Variants in KCND2 observed in about 807,000 individuals in gnomAD.
The protein encoded by KCND2 is potassium voltage-gated channel subfamily D member 2.
In KCND2, 16 loss-of-function variants were observed where a neutral mutation model predicts 54.4. That is an observed-to-expected ratio of 0.29 (90% confidence interval 0.20 to 0.45). KCND2 has a LOEUF of 0.45. Among genes scored for constraint, KCND2 ranks in the 20% least tolerant of loss-of-function variants. The pLI is 1.00. For synonymous variants in KCND2, 317 were observed against 310.7 expected, an observed-to-expected ratio of 1.02 and a Z score of -0.21; for missense variants, 486 against 824.2, an observed-to-expected ratio of 0.59 and a Z score of 5.02.
At chr7:120,292,418 G>A (rs1227680540) in intron 1 of KCND2, among the ~76,000 whole-genome samples, 1 of 151,858 alleles carries the variant, frequency 6.6e-6, no homozygotes, top group African/African-American at 2.4e-5. Context: ...TTAGTGACAT[G>A]TTTCACAGAT....
intron 1 of KCND2, among the ~76,000 whole-genome samples, chr7:120,725,300 G>T (rs1350206641): frequency 6.6e-6 from 1 of 151,886 alleles, no homozygotes; most frequent in Non-Finnish European, 1.5e-5. Flanking sequence ...CCTAATTAAG[G>T]GTTTCTTATT....
At chr7:120,495,276 C>T (rs1379429797) in intron 1 of KCND2, among the ~76,000 whole-genome samples, 3 of 151,960 alleles carry the variant, frequency 2.0e-5, no homozygotes, top group Non-Finnish European at 4.4e-5. Context: ...TGAGATCAAA[C>T]ATTTCCTTTT....
chr7:120,538,749 A>G (rs1157224904), intron 1 of KCND2, among the ~76,000 whole-genome samples: 2 of 152,108 alleles, frequency 1.3e-5, no homozygotes, highest in African/African-American at 4.8e-5. Flanking sequence ...AGACCAGCCA[A>G]ACCCCATGGG....
At chr7:120,568,774 T>C (rs553595397) in intron 1 of KCND2, among the ~76,000 whole-genome samples, 14 of 152,146 alleles carry the variant, frequency 9.2e-5, no homozygotes, top group Non-Finnish European at 1.6e-4. Context: ...TAGGGTTGCT[T>C]TGAGGATAAA....
chr7:120,417,730 G>C (rs1204519405), intron 1 of KCND2, among the ~76,000 whole-genome samples: 1 of 152,170 alleles, frequency 6.6e-6, no homozygotes, highest in East Asian at 1.9e-4. Flanking sequence ...GCTCAGCTAA[G>C]AATACATCAT....
intron 1 of KCND2, among the ~76,000 whole-genome samples, chr7:120,432,944 C>G (rs1801815558): frequency 6.6e-6 from 1 of 152,138 alleles, no homozygotes; most frequent in Admixed American, 6.5e-5. Context: ...CCATCAATTG[C>G]AAGGCCAAAT....
chr7:120,582,886 C>T (rs1050741623), intron 1 of KCND2, among the ~76,000 whole-genome samples: 1 of 151,820 alleles, frequency 6.6e-6, no homozygotes, highest in African/African-American at 2.4e-5. Context: ...GAAGGACTTT[C>T]TGTAGTTTCT....
chr7:120,724,604 C>G (rs112341484), intron 1 of KCND2, among the ~76,000 whole-genome samples: 2 of 152,094 alleles, frequency 1.3e-5, no homozygotes, highest in African/African-American at 2.4e-5. Flanking sequence ...GAGCTTGGCT[C>G]TTTCCTGCAG....
chr7:120,745,115 C>T (rs1584904666), intron 4 of KCND2, among the ~76,000 whole-genome samples: 2 of 152,154 alleles, frequency 1.3e-5, no homozygotes, highest in Admixed American at 1.3e-4. Context: ...ACGAAGATTA[C>T]AAAAAAGGCC....
At chr7:120,393,979 C>CT (rs1203431988) in intron 1 of KCND2, among the ~76,000 whole-genome samples, 1 of 151,848 alleles carries the variant, frequency 6.6e-6, no homozygotes, top group Non-Finnish European at 1.5e-5. Flanking sequence ...AACTTACTGT[C>CT]TTTTTCAGGC....
chr7:120,438,198 A>G (rs902865722), intron 1 of KCND2, among the ~76,000 whole-genome samples: 3 of 152,218 alleles, frequency 2.0e-5, no homozygotes, highest in South Asian at 2.1e-4. Flanking sequence ...TTGGCAGCGC[A>G]TGATCAAGTG....
intron 1 of KCND2, among the ~76,000 whole-genome samples, chr7:120,666,776 C>T (rs563444220): frequency 8.3e-4 from 126 of 152,060 alleles, no homozygotes; most frequent in African/African-American, 2.7e-3. Flanking sequence ...TTTGATTTGC[C>T]TCTTTTTACT....
chr7:120,737,084 A>AC (rs1246587899), intron 2 of KCND2, among the ~76,000 whole-genome samples: 72 of 149,786 alleles, frequency 4.8e-4, no homozygotes, highest in African/African-American at 1.7e-3. Context: ...ACAAACAAAA[A>AC]AAAAAAAAAC....
chr7:120,298,723 A>G (rs1366617339), intron 1 of KCND2, among the ~76,000 whole-genome samples: 5 of 152,234 alleles, frequency 3.3e-5, no homozygotes, highest in African/African-American at 1.2e-4. Context: ...TGGAAAAACT[A>G]CACAGAGAAT....
Position 120,348,857 on chromosome 7 carries a change from AT to A in KCND2, c.1115+73112del, listed in dbSNP as rs142283120. Among the ~76,000 whole-genome samples the A allele has an allele frequency of 8.4e-3, 1,284 of 152,282 alleles. 13 individuals are homozygous for A. Among genetic ancestry groups the A allele is most frequent in the African/African-American group, 0.029 (1,211 of 41,572 alleles). Reference sequence around the variant, plus strand: ...TGTTGCTACTTAATTTCTGTATTTTATTATAATGTCCTTAGTAGGTAGGTGT... The same window carrying A: ...TGTTGCTACTTAATTTCTGTATTTTATATAATGTCCTTAGTAGGTAGGTGT... On this transcript the variant is annotated intron_variant, in intron 1 of 5. Coordinates refer to ENST00000331113, the MANE Select transcript of KCND2 (RefSeq NM_012281.3).
At chr7:120,571,479 C>G (rs923640825) in intron 1 of KCND2, among the ~76,000 whole-genome samples, 4 of 152,160 alleles carry the variant, frequency 2.6e-5, no homozygotes, top group African/African-American at 9.7e-5. Context: ...AGGCAGAAAC[C>G]TTGCTTTCCC....
At chr7:120,669,294 A>G (rs1260981572) in intron 1 of KCND2, among the ~76,000 whole-genome samples, 1 of 152,108 alleles carries the variant, frequency 6.6e-6, no homozygotes, top group African/African-American at 2.4e-5. Flanking sequence ...TCCTTCTCCA[A>G]GTTCACCCAA....
chr7:120,745,188 A>G (rs1160774788), intron 4 of KCND2, among the ~76,000 whole-genome samples: 1 of 152,174 alleles, frequency 6.6e-6, no homozygotes, highest in Non-Finnish European at 1.5e-5. Flanking sequence ...GCAGACAATT[A>G]TATTTTACTT....
intron 1 of KCND2, among the ~76,000 whole-genome samples, chr7:120,279,982 C>T (rs889188664): frequency 6.6e-6 from 1 of 151,914 alleles, no homozygotes; most frequent in Non-Finnish European, 1.5e-5. Context: ...GTTTACCCAG[C>T]TGTTACTGAA....
Sources: allele counts gnomAD v4.1 joint callset (sites outside exome capture counted in the v4.1 genomes callset), GRCh38; gene constraint gnomAD v4.1.1; transcripts MANE v1.5; gene names NCBI Gene and HGNC (gene_info 2026-07-23, HGNC 2026-07-21).